Variants in IFT46 observed in about 807,000 individuals in gnomAD.
IFT46 encodes the protein intraflagellar transport protein 46 homolog.
IFT46 carries 19 observed loss-of-function variants against 39.6 expected under a neutral mutation model. That is an observed-to-expected ratio of 0.48 (90% CI 0.33 to 0.70). IFT46 has a LOEUF of 0.70. Among genes scored for constraint, IFT46 ranks in the 30% least tolerant of loss-of-function variants. The pLI is 0.01. For synonymous variants in IFT46, 117 were observed against 134.8 expected, an observed-to-expected ratio of 0.87 and a Z score of 0.91; for missense variants, 334 against 364.8, an observed-to-expected ratio of 0.92 and a Z score of 0.69.
intron 9 of IFT46, 56 bp downstream of exon 9, chr11:118,551,730 G>A (rs1243868849): frequency 7.8e-7 from 1 of 1,284,086 alleles, no homozygotes; most frequent in Non-Finnish European, 1.1e-6. Context: ...AAAAACACTG[G>A]GCCCTGGAGC....
chr11:118,575,302 A>C (rs1471882709), upstream of IFT46, among the ~76,000 whole-genome samples: 1 of 151,924 alleles, frequency 6.6e-6, no homozygotes, highest in African/African-American at 2.4e-5. Context: ...GTATCTTTTT[A>C]ATTGTGTTTT....
chr11:118,545,992 T>C (rs1322004606), intron 9 of IFT46, 139 bp from the exon 10 acceptor site: 3 of 741,424 alleles, frequency 4.0e-6, no homozygotes, highest in African/African-American at 3.5e-5. Flanking sequence ...AATTCAGATA[T>C]TGAGTTCCTA....
At chr11:118,557,774 C>T in intron 3 of IFT46, 2 of 1,614,114 alleles carry the variant, frequency 1.2e-6, no homozygotes, top group Non-Finnish European at 1.7e-6. Flanking sequence ...ACCATCCCAC[C>T]CTCTCAAGTA....
At chr11:118,561,205 C>G in intron 2 of IFT46, 1 of 1,378,946 alleles carries the variant, frequency 7.3e-7, no homozygotes, top group Non-Finnish European at 1.0e-6. Flanking sequence ...GCTTGTCTGT[C>G]CCTCACAGTA....
chr11:118,548,788 G>C (rs1173085321), intron 9 of IFT46, among the ~76,000 whole-genome samples: 2 of 151,522 alleles, frequency 1.3e-5, no homozygotes, highest in Middle Eastern at 6.9e-3. Context: ...ACTGCACCTG[G>C]CCTTTTTTTT....
intron 9 of IFT46, chr11:118,546,354 G>T (rs1050763243): frequency 3.6e-6 from 2 of 562,008 alleles, no homozygotes; most frequent in Non-Finnish European, 6.5e-6. Flanking sequence ...AGCCGGGTGT[G>T]GTGTTGAGTA....
intron 9 of IFT46, among the ~76,000 whole-genome samples, chr11:118,550,962 C>T (rs532057608): frequency 1.7e-4 from 24 of 144,292 alleles, no homozygotes; most frequent in East Asian, 1.2e-3. Context: ...GCGGGGGGTA[C>T]GGAGGTTGCA....
upstream of IFT46, among the ~76,000 whole-genome samples, chr11:118,566,577 C>T (rs893688800): frequency 5.9e-5 from 9 of 152,272 alleles, no homozygotes; most frequent in East Asian, 1.4e-3. Flanking sequence ...CCTGTAGTCC[C>T]AGCTACTCGA....
upstream of IFT46, among the ~76,000 whole-genome samples, chr11:118,576,112 A>G (rs1306840217): frequency 2.6e-5 from 4 of 152,126 alleles, no homozygotes; most frequent in Admixed American, 6.6e-5. Flanking sequence ...GACTTATCCA[A>G]GGTCACATAA....
At chr11:118,564,688 A>G (rs1054619506) in intron 2 of IFT46, among the ~76,000 whole-genome samples, 2 of 152,232 alleles carry the variant, frequency 1.3e-5, no homozygotes, top group Non-Finnish European at 2.9e-5. Context: ...TAAGTTAAAA[A>G]AAAAGAAAAG....
chr11:118,544,945 CAGCTTGGGAGGTGG>C lies in IFT46; in HGVS notation c.872_885del (p.Ser291TrpfsTer80). 3.1e-6 allele frequency: 5 copies of C among 1,613,754 alleles called. No homozygotes were observed. The highest frequency in any genetic ancestry group is 4.2e-6 in the Non-Finnish European group (5 of 1,179,788). ...CTGAAGGTTAATGTCTCCATGTCTC[CAGCTTGGGAGGTGG>C]AATTGGATGAAGGAGTGAATGCTTT... On this transcript the variant is annotated frameshift_variant, in exon 12 of 12. Transcript: ENST00000264021. LOFTEE classifies it high-confidence loss of function.
In IFT46 at chr11:118,544,997, G is replaced by A. The variant is rs574227005; in HGVS notation, c.834C>T (p.Leu278=). Reference sequence around the variant, plus strand: ...GAGTGAATGCTTTCTTGCCTTCAGCGAGAGCTTTAAAATGCTGCAAGGAAG... The same window carrying A: ...GAGTGAATGCTTTCTTGCCTTCAGCAAGAGCTTTAAAATGCTGCAAGGAAG... The part of the protein sequence containing the change: ...EFKNSQHFKA[L]AEGKKAFTPS... The change falls in exon 12 of 12, where the codon CTC becomes CTT. Residue 278 remains leucine, a synonymous_variant. Transcript: ENST00000264021. 56 of 1,611,770 alleles carry A rather than the reference G, an allele frequency of 3.5e-5. No homozygotes were observed. Among genetic ancestry groups the A allele is most frequent in the Non-Finnish European group, 4.6e-5 (54 of 1,178,464 alleles).
At position 118,546,328 on chromosome 11, in the gene IFT46, T is replaced by C. The variant is rs782045006; in HGVS notation, c.673-475A>G. The C allele has an allele frequency of 2.2e-5, 13 of 587,710 alleles. No homozygotes were observed. In the East Asian group the frequency reaches 2.3e-4, roughly 10 times the overall value. The allele number at this position is 587,710 out of a possible 1,614,324, so 36.4% of individuals were successfully genotyped here. A position where few individuals can be genotyped will look rare whatever the true frequency, so the allele number is the denominator to read the frequency against. The stretch of plus-strand genomic sequence containing the variant: ...GCCTGGGCAACATGGTGAAATTCCA[T>C]CTCTACAAAAAAATTAGCCGGGTGT... On this transcript the variant is annotated intron_variant, in intron 9 of 11. Transcript: ENST00000264021.
intron 6 of IFT46, 109 bp downstream of exon 6, chr11:118,554,881 T>C (rs944245757): frequency 6.0e-6 from 5 of 834,474 alleles, no homozygotes; most frequent in Admixed American, 4.6e-5. Context: ...TCCAATGAAA[T>C]GAACATGACT....
intron 9 of IFT46, among the ~76,000 whole-genome samples, chr11:118,548,143 A>G (rs1307114531): frequency 1.3e-5 from 2 of 149,814 alleles, no homozygotes; most frequent in Non-Finnish European, 1.5e-5. Flanking sequence ...TCAGCCTCCC[A>G]AAGTGCTGGG....
At chr11:118,571,160 T>A (rs1272513048) in intron 1 of IFT46, among the ~76,000 whole-genome samples, 2 of 152,220 alleles carry the variant, frequency 1.3e-5, no homozygotes, top group Non-Finnish European at 2.9e-5. Context: ...CTCTGTGGAT[T>A]TTCTTCTATT....
intron 1 of IFT46, chr11:118,572,321 C>G (rs571902642): frequency 4.1e-6 from 2 of 492,584 alleles, no homozygotes; most frequent in Admixed American, 6.7e-5. Flanking sequence ...AGCGGGGTAC[C>G]CTCAATTTCC....
upstream of IFT46, among the ~76,000 whole-genome samples, chr11:118,568,906 T>C (rs532393445): frequency 1.2e-3 from 179 of 151,710 alleles, no homozygotes; most frequent in African/African-American, 4.2e-3. Flanking sequence ...TCCGCCCACC[T>C]CGGCCTCCCA....
chr11:118,575,123 C>T (rs1275500710), upstream of IFT46, among the ~76,000 whole-genome samples: 4 of 152,088 alleles, frequency 2.6e-5, no homozygotes, highest in Non-Finnish European at 4.4e-5. Context: ...GGACTGCAGG[C>T]GCCTGCCACC....
Sources: allele counts gnomAD v4.1 joint callset (sites outside exome capture counted in the v4.1 genomes callset), GRCh38; gene constraint gnomAD v4.1.1; transcripts MANE v1.5; gene names NCBI Gene and HGNC (gene_info 2026-07-23, HGNC 2026-07-21).